The following CD82 variants were observed in gnomAD, a reference collection of about 807,000 sequenced individuals.
The protein encoded by CD82 is CD82 molecule.
In CD82, 36 loss-of-function variants were observed where a neutral mutation model predicts 37.4. The ratio of observed to expected loss-of-function variants is 0.96; its 90% CI spans 0.74 to 1.27. CD82 has a LOEUF of 1.27. Among genes scored for constraint, CD82 ranks in the 50% most tolerant of loss-of-function variants. CD82 has a pLI of 0.00. For missense variants in CD82, 340 were observed against 347.0 expected, an observed-to-expected ratio of 0.98 and a Z score of 0.16; for synonymous variants, 158 against 137.4, an observed-to-expected ratio of 1.15 and a Z score of -1.05.
At chr11:44,575,444 G>A (rs1254425403) in intron 1 of CD82, among the ~76,000 whole-genome samples, 6 of 151,728 alleles carry the variant, frequency 4.0e-5, no homozygotes, top group Non-Finnish European at 8.8e-5. Flanking sequence ...TGTTGCAGTG[G>A]TTCTCAAACT....
At chr11:44,592,576 G>C (rs1853161075) in intron 2 of CD82, among the ~76,000 whole-genome samples, 1 of 152,236 alleles carries the variant, frequency 6.6e-6, no homozygotes, top group Admixed American at 6.5e-5. Context: ...CCTGTGGTAT[G>C]TCAGGCTCTG....
intron 6 of CD82, among the ~76,000 whole-genome samples, chr11:44,612,495 G>A (rs1853497306): frequency 6.7e-6 from 1 of 148,532 alleles, no homozygotes; most frequent in Non-Finnish European, 1.5e-5. Context: ...ATTAATTACT[G>A]ACAGGAAAGC....
intron 3 of CD82, among the ~76,000 whole-genome samples, chr11:44,598,793 G>A (rs114242431): frequency 0.014 from 2,182 of 152,268 alleles, 47 homozygotes; most frequent in African/African-American, 0.049. Flanking sequence ...CCCCAGGCTC[G>A]GGGCTCTATG....
In CD82 at chr11:44,612,141, G is replaced by A. The variant is rs1459871285; in HGVS notation, c.337-3131G>A. Among the ~76,000 whole-genome samples, 4 of 152,388 alleles carry A rather than the reference G, an allele frequency of 2.6e-5. No individual in the cohort carries two copies. In the East Asian group the frequency reaches 7.7e-4, roughly 29 times the overall value. On this transcript the variant is annotated intron_variant, in intron 6 of 9. Transcript: ENST00000227155. The stretch of plus-strand genomic sequence containing the variant: ...TCACCTGGCAGACAGCCCCAGCTAT[G>A]TGACTCAGGCAAACCACTTAGCTTT...
chr11:44,589,882 G>A (rs998651502), intron 2 of CD82, among the ~76,000 whole-genome samples: 3 of 151,814 alleles, frequency 2.0e-5, no homozygotes, highest in Non-Finnish European at 4.4e-5. Flanking sequence ...CGCCCAGGCT[G>A]GAGTGCAGTG....
intron 7 of CD82, 24 bp downstream of exon 7, chr11:44,615,397 A>G (rs748135801): frequency 6.8e-7 from 1 of 1,464,958 alleles, no homozygotes; most frequent in Middle Eastern, 1.8e-4. Context: ...GGGCTGCAGG[A>G]GGCTCTCTGG....
upstream of CD82, chr11:44,565,613 C>A (rs1176729214): frequency 1.3e-5 from 2 of 152,394 alleles, no homozygotes; most frequent in East Asian, 3.9e-4. Context: ...CCGCGGCGTT[C>A]CCCGGCTGCA....
intron 4 of CD82, chr11:44,604,838 AG>A: frequency 1.7e-6 from 1 of 602,250 alleles, no homozygotes; most frequent in South Asian, 1.9e-5. Flanking sequence ...GAAGGGGCTT[AG>A]GCTGGATGAG....
chr11:44,608,712 C>A (rs1411547856), intron 6 of CD82, among the ~76,000 whole-genome samples: 2 of 152,272 alleles, frequency 1.3e-5, no homozygotes, highest in Non-Finnish European at 2.9e-5. Context: ...TGAACAGAAG[C>A]AAGGCTATGT....
In CD82 at chr11:44,598,400, A is replaced by ATTTTTTTTTTTT. The variant is rs71038809; in HGVS notation, c.64-1740_64-1729dup. ...CAGTTATCATGGATTTTTGGCCTTAATTTTTTTTTTTTTTTTTTTTTTTTT... is the reference window on the plus strand; with the variant it reads ...CAGTTATCATGGATTTTTGGCCTTAATTTTTTTTTTTTTTTTTTTTTTTTTTTTTTTTTTTTT... On this transcript the variant is annotated intron_variant, in intron 3 of 9. Coordinates refer to ENST00000227155, the MANE Select transcript of CD82 (RefSeq NM_002231.4). Among the ~76,000 whole-genome samples, 586 of 58,906 alleles carry ATTTTTTTTTTTT rather than the reference A, an allele frequency of 9.9e-3. 90 individuals carry two copies. Among genetic ancestry groups the ATTTTTTTTTTTT allele is most frequent in the Middle Eastern group, 0.045 (2 of 44 alleles). The allele number at this position is 58,906 out of a possible 152,430, so 38.6% of individuals were successfully genotyped here.
chr11:44,608,862 A>G (rs1314952481), intron 6 of CD82, among the ~76,000 whole-genome samples: 1 of 152,258 alleles, frequency 6.6e-6, no homozygotes, highest in Non-Finnish European at 1.5e-5. Context: ...CTCGAGCCGG[A>G]GCCCCCAGGG....
chr11:44,606,277 G>A (rs147169116), intron 6 of CD82: 4 of 152,336 alleles, frequency 2.6e-5, no homozygotes, highest in African/African-American at 9.6e-5. Context: ...GGATTGCTCT[G>A]AGACTAGCCT....
At chr11:44,571,596 A>G (rs1852815791) in intron 1 of CD82, among the ~76,000 whole-genome samples, 1 of 151,670 alleles carries the variant, frequency 6.6e-6, no homozygotes, top group South Asian at 2.1e-4. Context: ...TTTTTTTGAG[A>G]CAGAGTCTCA....
chr11:44,607,086 G>A (rs963332546), intron 6 of CD82, among the ~76,000 whole-genome samples: 1 of 152,256 alleles, frequency 6.6e-6, no homozygotes, highest in African/African-American at 2.4e-5. Context: ...CAGGGAGGGT[G>A]GCAGAGCCGG....
intron 1 of CD82, among the ~76,000 whole-genome samples, chr11:44,574,387 G>C (rs1031238270): frequency 2.0e-5 from 3 of 152,146 alleles, no homozygotes; most frequent in Non-Finnish European, 2.9e-5. Context: ...TAGAATCTGA[G>C]CAAACCCACC....
intron 1 of CD82, among the ~76,000 whole-genome samples, chr11:44,576,057 C>T (rs1165011670): frequency 2.0e-5 from 3 of 152,200 alleles, no homozygotes; most frequent in South Asian, 2.1e-4. Context: ...ACCATCTCTG[C>T]GCTAGGATCT....
chr11:44,590,824 C>T (rs1261008182), intron 2 of CD82, among the ~76,000 whole-genome samples: 3 of 151,896 alleles, frequency 2.0e-5, no homozygotes, highest in Non-Finnish European at 2.9e-5. Context: ...AATTCAACCT[C>T]GGGGGCTCCT....
chr11:44,602,605 A>G lies in CD82; in HGVS notation c.136+2375A>G, dbSNP rs147923430. Among the ~76,000 whole-genome samples the G allele has an allele frequency of 4.5e-4, 69 of 152,274 alleles. 2 individuals carry two copies. In the East Asian group the frequency reaches 0.013, roughly 28 times the overall value. On this transcript the variant is annotated intron_variant, in intron 4 of 9. Coordinates refer to ENST00000227155, the MANE Select transcript of CD82 (RefSeq NM_002231.4). ...GCTGGGATTAGAATCTACTTTTCTT[A>G]TCCCTCATCCCTTTCTGTTTGGGCC...
intron 1 of CD82, among the ~76,000 whole-genome samples, chr11:44,586,099 T>C (rs956434420): frequency 2.6e-5 from 4 of 152,132 alleles, no homozygotes; most frequent in Non-Finnish European, 4.4e-5. Context: ...GATGGAGCCA[T>C]GGCAGTGGGT....
Sources: gnomAD v4.1 joint callset for allele counts (sites outside exome capture counted in the v4.1 genomes callset) on GRCh38, gnomAD v4.1.1 for gene constraint, MANE v1.5 for transcripts, NCBI Gene and HGNC (gene_info 2026-07-23, HGNC 2026-07-21) for gene names.